Variants in MTIF3 observed in about 807,000 individuals in gnomAD.
The protein encoded by MTIF3 is translation initiation factor IF-3, mitochondrial.
In MTIF3, 13 loss-of-function variants were observed where a neutral mutation model predicts 20.7. The observed-to-expected ratio is 0.63, with a 90% CI of 0.41 to 1.00. The LOEUF is 1.00. Among genes scored for constraint, MTIF3 ranks in the 50% least tolerant of loss-of-function variants. The probability of loss-of-function intolerance (pLI) is 0.00; values close to 1 mark genes in which losing one functional copy is unlikely to be tolerated. For synonymous variants in MTIF3, 114 were observed against 112.5 expected (o/e 1.01, Z -0.08); for missense variants, 295 against 324.5 (o/e 0.91, Z 0.70).
At chr13:27,438,556 G>C (rs1953880050) in intron 3 of MTIF3, among the ~76,000 whole-genome samples, 1 of 145,388 alleles carries the variant, frequency 6.9e-6, no homozygotes, top group Non-Finnish European at 1.5e-5. Context: ...GCAGTGGCAT[G>C]ATCATGGTTC....
intron 4 of MTIF3, among the ~76,000 whole-genome samples, chr13:27,436,525 TCTA>T (rs924298647): frequency 1.3e-5 from 2 of 152,048 alleles, no homozygotes; most frequent in African/African-American, 4.8e-5. Flanking sequence ...AAACAAAAAA[TCTA>T]TAAAGTTTCT....
At chr13:27,447,100 T>G (rs553961865) in intron 1 of MTIF3, among the ~76,000 whole-genome samples, 4 of 149,210 alleles carry the variant, frequency 2.7e-5, no homozygotes, top group African/African-American at 5.0e-5. Flanking sequence ...TGGGGTGGTG[T>G]TTCTCAGAAA....
chr13:27,449,174 C>T (rs1292864322), intron 1 of MTIF3, among the ~76,000 whole-genome samples: 1 of 152,226 alleles, frequency 6.6e-6, no homozygotes, highest in East Asian at 1.9e-4. Context: ...TTTGACGCCT[C>T]CACTTTCCCA....
chr13:27,445,642 C>G (rs1954157328), intron 1 of MTIF3, among the ~76,000 whole-genome samples: 2 of 152,186 alleles, frequency 1.3e-5, no homozygotes, highest in South Asian at 4.1e-4. Flanking sequence ...CCTAAGCCAA[C>G]GTCAGACTCA....
At position 27,440,467 on chromosome 13, in the gene MTIF3, A is replaced by C; in HGVS notation, c.-1-18T>G. On this transcript the variant is annotated intron_variant, in intron 2 of 4. Transcript: ENST00000381120. ...CAGCCATCCTAAGAAAGTAGTAAGA[A>C]GAGTTCATTAAAATTCAATCACTTA... 3 of 1,547,582 alleles carry C rather than the reference A, an allele frequency of 1.9e-6. No individual in the cohort carries two copies. The African/African-American group carries it at 4.1e-5, about 21-fold the overall frequency.
chr13:27,439,105 G>A (rs111699524), intron 3 of MTIF3, among the ~76,000 whole-genome samples: 48 of 152,294 alleles, frequency 3.2e-4, no homozygotes, highest in African/African-American at 9.1e-4. Context: ...CAAGTGCCTC[G>A]TCAAGTGACT....
intron 2 of MTIF3, among the ~76,000 whole-genome samples, chr13:27,441,604 C>A (rs1954004316): frequency 1.3e-5 from 2 of 152,180 alleles, no homozygotes; most frequent in Non-Finnish European, 2.9e-5. Context: ...TTACAAATGG[C>A]ACATTGATTT....
In MTIF3 at chr13:27,447,758, A is replaced by C. The variant is rs547539523; in HGVS notation, c.-70-2602T>G. Among the ~76,000 whole-genome samples the C allele has an allele frequency of 2.5e-4, 38 of 152,276 alleles. 1 individual carries two copies. The South Asian group carries it at 7.7e-3, about 31-fold the overall frequency. On this transcript the variant is annotated intron_variant, in intron 1 of 4. Transcript: ENST00000381120. The stretch of plus-strand genomic sequence containing the variant: ...CAGTCTGTCCTAAGACTTCATATAA[A>C]TGGAACCAAACAATATCTACTCTTT...
In MTIF3 at chr13:27,435,795, A is replaced by G; in HGVS notation, c.717T>C (p.Val239=). The change falls in exon 5 of 5, where the codon GTT becomes GTC. Residue 239 remains valine (V), a synonymous_variant. Coordinates refer to ENST00000381120, the MANE Select transcript of MTIF3 (RefSeq NM_152912.5). The stretch of plus-strand genomic sequence containing the variant: ...CCTCATTTTTGCTGAAAGCACGAAG[A>G]ACACACATTAAAGCTTTTCCTCCTT... ...AVQGGKALMC[V]LRAFSKNEEK... The G allele has an allele frequency of 6.2e-7, 1 of 1,614,232 alleles. No homozygotes were observed.
intron 3 of MTIF3, among the ~76,000 whole-genome samples, chr13:27,438,878 T>C (rs1953891666): frequency 6.6e-6 from 1 of 151,938 alleles, no homozygotes; most frequent in Non-Finnish European, 1.5e-5. Flanking sequence ...CCAGTCAACA[T>C]CCTTGTTAAA....
chr13:27,446,570 G>T (rs1954186834), intron 1 of MTIF3, among the ~76,000 whole-genome samples: 1 of 152,162 alleles, frequency 6.6e-6, no homozygotes, highest in Admixed American at 6.5e-5. Context: ...CCTAGAGGGA[G>T]GAATGGTTCA....
intron 1 of MTIF3, among the ~76,000 whole-genome samples, chr13:27,448,199 G>A (rs796068285): frequency 2.6e-5 from 4 of 152,310 alleles, no homozygotes; most frequent in African/African-American, 9.6e-5. Context: ...TTGAAATCAT[G>A]TGGACTGAAG....
rs566912046 is a variant in MTIF3, at chr13:27,445,798, G to C, written c.-70-642C>G. 8.5e-5 allele frequency among the ~76,000 whole-genome samples: 13 copies of C among 152,216 alleles called. 1 individual carries two copies. Among genetic ancestry groups the C allele is most frequent in the Admixed American group, 5.9e-4 (9 of 15,288 alleles). On this transcript the variant is annotated intron_variant, in intron 1 of 4. Coordinates refer to ENST00000381120, the MANE Select transcript of MTIF3 (RefSeq NM_152912.5). ...CAGGGTCTAGCTTCCAGTTTCCAGG[G>C]GATACAAGGGCCAGACTCAGAGAAA...
chr13:27,447,888 C>G (rs183272216), intron 1 of MTIF3, among the ~76,000 whole-genome samples: 279 of 96,882 alleles, frequency 2.9e-3, no homozygotes, highest in Non-Finnish European at 3.1e-3. Flanking sequence ...ATGAATATAT[C>G]GCAGTTTTTA....
intron 3 of MTIF3, among the ~76,000 whole-genome samples, chr13:27,439,625 C>A (rs1953920445): frequency 6.6e-6 from 1 of 152,152 alleles, no homozygotes; most frequent in Non-Finnish European, 1.5e-5. Context: ...TGAATGTACC[C>A]CTCCTAATCT....
At chr13:27,444,690 C>A (rs1262308966) in intron 2 of MTIF3, among the ~76,000 whole-genome samples, 1 of 152,174 alleles carries the variant, frequency 6.6e-6, no homozygotes, top group Non-Finnish European at 1.5e-5. Context: ...TATCTCCCCC[C>A]AACCATCCAG....
At chr13:27,440,967 AG>A (rs1953986511) in intron 2 of MTIF3, 1 of 158,444 alleles carries the variant, frequency 6.3e-6, no homozygotes, top group Non-Finnish European at 1.4e-5. Context: ...AGCAAGCTAG[AG>A]AAAAGAAATG....
At chr13:27,439,054 T>C (rs1210442868) in intron 3 of MTIF3, among the ~76,000 whole-genome samples, 1 of 152,222 alleles carries the variant, frequency 6.6e-6, no homozygotes, top group Non-Finnish European at 1.5e-5. Context: ...CAAACATCTT[T>C]GCTTAATATC....
At position 27,440,031 on chromosome 13, in the gene MTIF3, G is replaced by A. The variant is rs1249053930; in HGVS notation, c.418C>T (p.Arg140Trp). ...LMTGLQILQE[R>W]QRLREMEKAN... ...TTCTCCATCTCCCTCAGCCTCTGCC[G>A]CTCCTGGAGGATCTGCAATCCTGTC... The change falls in exon 3 of 5, where the codon CGG becomes TGG. Residue 140 changes from arginine (R) to tryptophan (W), a missense_variant. Coordinates refer to ENST00000381120, the MANE Select transcript of MTIF3 (RefSeq NM_152912.5). 6.8e-6 allele frequency: 11 copies of A among 1,614,104 alleles called. No individual in the cohort carries two copies. The highest frequency in any genetic ancestry group is 1.7e-5 in the Admixed American group (1 of 60,012).
Sources: gnomAD v4.1 joint callset for allele counts (sites outside exome capture counted in the v4.1 genomes callset) on GRCh38, gnomAD v4.1.1 for gene constraint, MANE v1.5 for transcripts, NCBI Gene and HGNC (gene_info 2026-07-23, HGNC 2026-07-21) for gene names.